The following CNTNAP5 variants were observed in gnomAD, a reference collection of about 807,000 sequenced individuals.
CNTNAP5 encodes the protein contactin associated protein family member 5, also known as contactin-associated protein-like 5.
In CNTNAP5, 72 loss-of-function variants were observed where a neutral mutation model predicts 150.2. The ratio of observed to expected loss-of-function variants is 0.48; its 90% confidence interval spans 0.40 to 0.58. The LOEUF (loss-of-function observed/expected upper bound fraction) is 0.58, where lower values mean the gene tolerates loss of function less well. Ranked by LOEUF, CNTNAP5 falls within the 20% of genes least tolerant of loss-of-function variation. CNTNAP5 has a pLI of 0.00. For missense variants in CNTNAP5, 1,636 were observed against 1,626.2 expected, an observed-to-expected ratio of 1.01 and a Z score of -0.10; for synonymous variants, 672 against 619.8, an observed-to-expected ratio of 1.08 and a Z score of -1.25.
intron 6 of CNTNAP5, 29 bp from the exon 7 acceptor site, chr2:124,474,710 A>C: frequency 6.6e-7 from 1 of 1,517,140 alleles, no homozygotes; most frequent in South Asian, 1.3e-5. Flanking sequence ...CTTAAAACTA[A>C]GAGTTTGTTT....
At chr2:124,246,618 A>G (rs1275978249) in intron 3 of CNTNAP5, among the ~76,000 whole-genome samples, 2 of 152,174 alleles carry the variant, frequency 1.3e-5, no homozygotes, top group East Asian at 3.9e-4. Context: ...CACTCAGACC[A>G]GGTCCTGTTA....
intron 14 of CNTNAP5, among the ~76,000 whole-genome samples, chr2:124,749,237 G>A (rs1377217589): frequency 2.6e-5 from 4 of 152,084 alleles, no homozygotes; most frequent in African/African-American, 4.8e-5. Context: ...CTCTCACAGT[G>A]CATATTAGAC....
intron 3 of CNTNAP5, among the ~76,000 whole-genome samples, chr2:124,323,577 G>A (rs1483494157): frequency 6.6e-6 from 1 of 152,164 alleles, no homozygotes; most frequent in Non-Finnish European, 1.5e-5. Flanking sequence ...AGCCTGAGGT[G>A]GAGATTCAAG....
At chr2:124,898,817 A>AG (rs1178985510) in intron 21 of CNTNAP5, among the ~76,000 whole-genome samples, 3 of 151,468 alleles carry the variant, frequency 2.0e-5, no homozygotes, top group Non-Finnish European at 4.4e-5. Context: ...TAGTAGGAGG[A>AG]GTAAAAGATT....
chr2:124,123,616 C>T (rs146837635), intron 1 of CNTNAP5, among the ~76,000 whole-genome samples: 1 of 152,114 alleles, frequency 6.6e-6, no homozygotes, highest in African/African-American at 2.4e-5. Flanking sequence ...TCAAGTGGGT[C>T]CCTGACCCCC....
intron 21 of CNTNAP5, among the ~76,000 whole-genome samples, chr2:124,896,438 G>GCAA (rs1678306120): frequency 1.3e-5 from 2 of 151,526 alleles, no homozygotes; most frequent in African/African-American, 4.9e-5. Context: ...GTCTTGAAAA[G>GCAA]GACAGCCTTT....
intron 1 of CNTNAP5, among the ~76,000 whole-genome samples, chr2:124,201,244 C>T (rs1208239858): frequency 6.6e-6 from 1 of 152,170 alleles, no homozygotes; most frequent in African/African-American, 2.4e-5. Flanking sequence ...CAGGTACATG[C>T]ACTACTTTTA....
At chr2:124,161,944 A>G (rs1203337753) in intron 1 of CNTNAP5, among the ~76,000 whole-genome samples, 1 of 152,222 alleles carries the variant, frequency 6.6e-6, no homozygotes, top group African/African-American at 2.4e-5. Flanking sequence ...TCATATCAAG[A>G]CTTCAAGAGT....
intron 5 of CNTNAP5, among the ~76,000 whole-genome samples, chr2:124,442,970 G>T (rs1326408447): frequency 2.0e-5 from 3 of 152,028 alleles, no homozygotes; most frequent in Non-Finnish European, 4.4e-5. Flanking sequence ...TGTGGTAAAG[G>T]CACTCCTAGG....
chr2:124,145,835 A>AAAAAAG (rs1422264200), intron 1 of CNTNAP5, among the ~76,000 whole-genome samples: 15,100 of 49,462 alleles, frequency 0.31, 1,196 homozygotes, highest in East Asian at 0.51. Flanking sequence ...AAAAGAAGAA[A>AAAAAAG]AAAAAAAAAA....
intron 7 of CNTNAP5, among the ~76,000 whole-genome samples, chr2:124,490,752 T>G (rs1199645848): frequency 1.3e-5 from 2 of 152,088 alleles, no homozygotes; most frequent in Admixed American, 1.3e-4. Context: ...AGTAAAATAA[T>G]TTTATATAAT....
intron 3 of CNTNAP5, among the ~76,000 whole-genome samples, chr2:124,363,019 T>C (rs571013523): frequency 7.2e-5 from 11 of 152,308 alleles, no homozygotes; most frequent in South Asian, 4.1e-4. Context: ...GGATGTGGCT[T>C]ATAATAAGGT....
At chr2:124,566,504 C>T (rs1235528971) in intron 11 of CNTNAP5, among the ~76,000 whole-genome samples, 1 of 152,158 alleles carries the variant, frequency 6.6e-6, no homozygotes, top group East Asian at 1.9e-4. Flanking sequence ...GCCTGATGAG[C>T]AGGAGACTCA....
chr2:124,763,626 T>A, intron 14 of CNTNAP5, 46 bp from the exon 15 acceptor site: 1 of 1,575,526 alleles, frequency 6.3e-7, no homozygotes, highest in Non-Finnish European at 8.6e-7. Flanking sequence ...AGTCCCTAGA[T>A]TATCCACATT....
intron 3 of CNTNAP5, among the ~76,000 whole-genome samples, chr2:124,365,561 C>T (rs994732594): frequency 3.3e-5 from 5 of 152,058 alleles, no homozygotes; most frequent in African/African-American, 1.2e-4. Context: ...AACAGTTGGC[C>T]CTGCATGTCC....
chr2:124,167,965 G>C (rs1022640187), intron 1 of CNTNAP5, among the ~76,000 whole-genome samples: 1 of 152,122 alleles, frequency 6.6e-6, no homozygotes, highest in Non-Finnish European at 1.5e-5. Flanking sequence ...AAGGAGGCAC[G>C]TTTTTATTCC....
intron 3 of CNTNAP5, among the ~76,000 whole-genome samples, chr2:124,378,813 AT>A (rs1365318720): frequency 1.3e-5 from 2 of 152,084 alleles, no homozygotes; most frequent in African/African-American, 4.8e-5. Flanking sequence ...TATTAGTGAC[AT>A]AGGTGGATAC....
chr2:124,633,004 C>G (rs1365646479), intron 12 of CNTNAP5, among the ~76,000 whole-genome samples: 1 of 152,040 alleles, frequency 6.6e-6, no homozygotes, highest in Non-Finnish European at 1.5e-5. Context: ...TATTTAAAAA[C>G]CCACCCCATG....
chr2:124,856,492 C>T (rs1234988087), intron 19 of CNTNAP5, among the ~76,000 whole-genome samples: 1 of 151,362 alleles, frequency 6.6e-6, no homozygotes, highest in African/African-American at 2.5e-5. Flanking sequence ...GCATCCATGC[C>T]ATTATCTATT....
Sources: gnomAD v4.1 joint callset for allele counts (sites outside exome capture counted in the v4.1 genomes callset) on GRCh38, gnomAD v4.1.1 for gene constraint, MANE v1.5 for transcripts, NCBI Gene and HGNC (gene_info 2026-07-23, HGNC 2026-07-21) for gene names.